Variants in KLHL2 observed in about 807,000 individuals in gnomAD.
KLHL2 encodes the protein kelch like family member 2.
Under a neutral mutation model 75.8 loss-of-function variants are expected in KLHL2, and 15 were observed. The observed-to-expected ratio is 0.20, with a 90% CI of 0.13 to 0.30. The LOEUF is 0.30. KLHL2 is among the 10% of genes least tolerant of loss of function. The pLI is 1.00. For missense variants in KLHL2, 381 were observed against 741.0 expected, an observed-to-expected ratio of 0.51 and a Z score of 5.64; for synonymous variants, 214 against 251.9, an observed-to-expected ratio of 0.85 and a Z score of 1.42.
intron 14 of KLHL2, among the ~76,000 whole-genome samples, chr4:165,318,864 ATTAAGT>A (rs904896534): frequency 4.5e-4 from 68 of 152,358 alleles, no homozygotes; most frequent in African/African-American, 1.6e-3. Flanking sequence ...TATTGAAAAA[ATTAAGT>A]TTAAGATTAT....
intron 3 of KLHL2, among the ~76,000 whole-genome samples, chr4:165,230,057 G>A (rs1173028649): frequency 6.6e-6 from 1 of 152,264 alleles, no homozygotes; most frequent in African/African-American, 2.4e-5. Flanking sequence ...GAGAGCTGAG[G>A]TTGATCTGAA....
intron 4 of KLHL2, among the ~76,000 whole-genome samples, chr4:165,261,897 A>G (rs536552460): frequency 1.6e-4 from 24 of 152,266 alleles, no homozygotes; most frequent in Non-Finnish European, 3.2e-4. Context: ...ATGAAAGTCA[A>G]TTTCTGAAGG....
At chr4:165,227,915 T>TCC (rs1738577853) in intron 2 of KLHL2, among the ~76,000 whole-genome samples, 5 of 146,754 alleles carry the variant, frequency 3.4e-5, no homozygotes, top group African/African-American at 1.3e-4. Flanking sequence ...TTTTTTTTTT[T>TCC]GAAACAGAGT....
At chr4:165,272,758 T>C (rs1265806547) in intron 5 of KLHL2, among the ~76,000 whole-genome samples, 3 of 152,142 alleles carry the variant, frequency 2.0e-5, no homozygotes, top group East Asian at 1.9e-4. Flanking sequence ...CTTTCTCTTA[T>C]TTAAAATCTT....
At chr4:165,217,234 G>C (rs956037499) in intron 1 of KLHL2, among the ~76,000 whole-genome samples, 2 of 152,178 alleles carry the variant, frequency 1.3e-5, no homozygotes, top group Non-Finnish European at 2.9e-5. Flanking sequence ...ATATAGACAT[G>C]CAGTGTTACA....
intron 8 of KLHL2, among the ~76,000 whole-genome samples, chr4:165,301,318 G>A (rs535286943): frequency 9.2e-5 from 14 of 152,238 alleles, no homozygotes; most frequent in South Asian, 2.1e-4. Flanking sequence ...TTTTTACTCA[G>A]AATTATCATC....
chr4:165,253,668 G>A (rs890337989), intron 4 of KLHL2, among the ~76,000 whole-genome samples: 5 of 152,094 alleles, frequency 3.3e-5, no homozygotes, highest in Admixed American at 3.3e-4. Flanking sequence ...ATAACCTCAG[G>A]TCTCTTCCCA....
At chr4:165,283,288 T>G (rs538469968) in intron 5 of KLHL2, among the ~76,000 whole-genome samples, 1 of 152,304 alleles carries the variant, frequency 6.6e-6, no homozygotes, top group South Asian at 2.1e-4. Context: ...CAGCATTAAC[T>G]CAGAGGTGCA....
chr4:165,216,228 A>G (rs1266631972), intron 1 of KLHL2, among the ~76,000 whole-genome samples: 3 of 152,172 alleles, frequency 2.0e-5, no homozygotes, highest in African/African-American at 7.2e-5. Context: ...TCAGAAAGTC[A>G]CCTCATCTGA....
intron 5 of KLHL2, among the ~76,000 whole-genome samples, chr4:165,271,154 T>G (rs1742660828): frequency 7.7e-6 from 1 of 129,068 alleles, no homozygotes; most frequent in Non-Finnish European, 1.6e-5. Flanking sequence ...AAATTCCATA[T>G]GCATTTTAGG....
chr4:165,316,111 CT>C (rs1746569834), intron 13 of KLHL2, among the ~76,000 whole-genome samples: 1 of 152,166 alleles, frequency 6.6e-6, no homozygotes, highest in Non-Finnish European at 1.5e-5. Context: ...TAAAAGGAAT[CT>C]GGTGTTGTGA....
chr4:165,222,118 C>T (rs965398930), intron 2 of KLHL2, among the ~76,000 whole-genome samples: 46 of 152,164 alleles, frequency 3.0e-4, no homozygotes, highest in African/African-American at 1.1e-3. Flanking sequence ...GCATGACTCA[C>T]TAAACTGCAG....
At chr4:165,291,738 A>C (rs930096032) in intron 5 of KLHL2, among the ~76,000 whole-genome samples, 2 of 152,212 alleles carry the variant, frequency 1.3e-5, no homozygotes, top group Admixed American at 1.3e-4. Flanking sequence ...GACCCCCAAC[A>C]GGTACCAAAA....
intron 4 of KLHL2, among the ~76,000 whole-genome samples, chr4:165,244,946 G>T (rs1056677956): frequency 1.3e-5 from 2 of 152,100 alleles, no homozygotes; most frequent in African/African-American, 4.8e-5. Flanking sequence ...GCTCATGCCT[G>T]TAATCCCAGC....
At chr4:165,312,427 A>AAT (rs143983885) in intron 11 of KLHL2, among the ~76,000 whole-genome samples, 3 of 147,046 alleles carry the variant, frequency 2.0e-5, no homozygotes, top group Non-Finnish European at 4.4e-5. Context: ...TATTATTATT[A>AAT]TTTTTTTTTA....
At chr4:165,259,865 G>A (rs17488436) in intron 4 of KLHL2, among the ~76,000 whole-genome samples, 30,592 of 151,852 alleles carry the variant, frequency 0.2, 3,746 homozygotes, top group Non-Finnish European at 0.29. Flanking sequence ...TGGTCAAGCC[G>A]TTTAACCCCT....
intron 1 of KLHL2, chr4:165,209,343 T>C (rs1344562474): frequency 1.3e-5 from 2 of 152,206 alleles, no homozygotes; most frequent in Non-Finnish European, 2.9e-5. Flanking sequence ...GTATATAATA[T>C]GTAACATGTA....
chr4:165,310,839 A>G (rs1042951965), intron 10 of KLHL2, 89 bp downstream of exon 10: 7 of 947,256 alleles, frequency 7.4e-6, no homozygotes, highest in Non-Finnish European at 1.1e-5. Context: ...ATTAGGGCAC[A>G]TGTGAGGTTT....
intron 5 of KLHL2, among the ~76,000 whole-genome samples, chr4:165,266,241 T>G (rs1742231205): frequency 6.6e-6 from 1 of 152,230 alleles, no homozygotes; most frequent in African/African-American, 2.4e-5. Flanking sequence ...GATGGGTAGT[T>G]TGCAAATATT....
Sources: gnomAD v4.1 joint callset for allele counts (sites outside exome capture counted in the v4.1 genomes callset) on GRCh38, gnomAD v4.1.1 for gene constraint, MANE v1.5 for transcripts, NCBI Gene and HGNC (gene_info 2026-07-23, HGNC 2026-07-21) for gene names.